The following CREB3L3 variants were observed in gnomAD, a reference collection of about 807,000 sequenced individuals.
CREB3L3 encodes the protein cyclic AMP-responsive element-binding protein 3-like protein 3.
In CREB3L3, 40 loss-of-function variants were observed where a neutral mutation model predicts 44.6. The ratio of observed to expected loss-of-function variants is 0.90; its 90% CI spans 0.70 to 1.17. The LOEUF is 1.17. CREB3L3 is among the 50% of genes most tolerant of loss of function. The pLI, the probability that CREB3L3 is intolerant of heterozygous loss-of-function variation, is 0.00. For missense variants in CREB3L3, 578 were observed against 595.8 expected, an observed-to-expected ratio of 0.97 and a Z score of 0.31; for synonymous variants, 273 against 256.3, an observed-to-expected ratio of 1.06 and a Z score of -0.62.
intron 1 of CREB3L3, 105 bp downstream of exon 1, chr19:4,153,879 G>C (rs552882803): frequency 7.7e-7 from 1 of 1,292,904 alleles, no homozygotes; most frequent in African/African-American, 1.5e-5. Flanking sequence ...TTGTACAGAT[G>C]GGAAGACTGA....
chr19:4,170,720 T>C (rs959854545), intron 7 of CREB3L3, among the ~76,000 whole-genome samples: 8 of 149,270 alleles, frequency 5.4e-5, no homozygotes, highest in South Asian at 2.1e-4. Context: ...CCATCCTGGC[T>C]AACACGGTGA....
At chr19:4,156,962 C>T in intron 2 of CREB3L3, 33 bp from the exon 3 acceptor site, 1 of 1,611,946 alleles carries the variant, frequency 6.2e-7, no homozygotes, top group Non-Finnish European at 8.5e-7. Flanking sequence ...TGAGCACTTC[C>T]TAATTCCTAC....
rs2145132743 is a variant in CREB3L3, at chr19:4,164,651, G to C, written c.714+11G>C. On this transcript the variant is annotated intron_variant, in intron 5 of 9. Coordinates refer to ENST00000078445, the MANE Select transcript of CREB3L3 (RefSeq NM_032607.3). ...CTGCCCCTCACTAAGGTGAGTCTGGGGGGACTTCCAGCCCTGGATCCATCT... is the reference window on the plus strand; with the variant it reads ...CTGCCCCTCACTAAGGTGAGTCTGGCGGGACTTCCAGCCCTGGATCCATCT... The C allele has an allele frequency of 6.2e-7, 1 of 1,613,856 alleles. No individual in the cohort carries two copies. The highest frequency in any genetic ancestry group is 2.2e-5 in the East Asian group (1 of 44,866).
At chr19:4,163,854 G>A (rs1410324896) in intron 4 of CREB3L3, among the ~76,000 whole-genome samples, 1 of 145,486 alleles carries the variant, frequency 6.9e-6, no homozygotes, top group Non-Finnish European at 1.5e-5. Flanking sequence ...TCTCAGGCTG[G>A]AGTGCAGTGG....
chr19:4,167,845 C>A (rs576076904), intron 5 of CREB3L3, among the ~76,000 whole-genome samples: 1 of 151,636 alleles, frequency 6.6e-6, no homozygotes, highest in Admixed American at 6.6e-5. Context: ...TCCTTGGCTC[C>A]GGGATGTCTT....
At position 4,155,651 on chromosome 19, in the gene CREB3L3, C is replaced by G. The variant is rs372980341; in HGVS notation, c.156+624C>G. On this transcript the variant is annotated intron_variant, in intron 2 of 9. Transcript: ENST00000078445. ...GATTACAGGCGTGTGCCACCGCGCC[C>G]GGCCCACTTTCTTTTTTTTCTTTCT... Among the ~76,000 whole-genome samples the G allele has an allele frequency of 2.5e-4, 38 of 151,870 alleles. 2 individuals are homozygous for G. The highest frequency in any genetic ancestry group is 7.3e-5 in the African/African-American group (3 of 41,362).
chr19:4,169,793 T>C (rs1599345725), intron 6 of CREB3L3, among the ~76,000 whole-genome samples: 1 of 151,972 alleles, frequency 6.6e-6, no homozygotes, highest in Non-Finnish European at 1.5e-5. Flanking sequence ...CAGGCAGGGT[T>C]TCACCATGTT....
rs1206429934 is a variant in CREB3L3 at position 4,171,898 on chromosome 19, G to A, written c.1315G>A (p.Asp439Asn). 3.1e-6 allele frequency: 5 copies of A among 1,612,582 alleles called. No homozygotes were observed. The highest frequency in any genetic ancestry group is 3.3e-4 in the Middle Eastern group (2 of 6,076). ...TEGLGQVALL[D>N]WVAPGPSTGS... ...GGGGCTGGGCCAGGTCGCCCTGCTG[G>A]ACTGGGTGGCGCCTGGGCCGAGCAC... Residue 439 changes from aspartate (D) to asparagine (N), a missense_variant, in exon 10 of 10, where the codon GAC (aspartate) becomes AAC (asparagine). Transcript: ENST00000078445. This position sits in a 1 kb window ranked among gnomAD's most constrained non-coding sequence, Gnocchi z 4.9.
At position 4,171,808 on chromosome 19, in the gene CREB3L3, G is replaced by T. The variant is rs144785273; in HGVS notation, c.1225G>T (p.Ala409Ser). The T allele has an allele frequency of 6.8e-6, 11 of 1,613,620 alleles. No homozygotes were observed. Among genetic ancestry groups the T allele is most frequent in the South Asian group, 4.4e-5 (4 of 91,088 alleles). Residue 409 changes from alanine (A) to serine (S), a missense_variant, in exon 10 of 10, where the codon GCG (alanine) becomes TCG (serine). Ala to Ser is a moderately conservative substitution (Grantham distance 99, BLOSUM62 1). Transcript: ENST00000078445. This position sits in a 1 kb window ranked among gnomAD's most constrained non-coding sequence, Gnocchi z 4.9. ...GGCAGACTGGGGCTTCCAGGACACC[G>T]CGAACCTGACCAATTCGACGGAGGA... ...PGADWGFQDTANLTNSTEELD... is the reference protein window; with the variant it reads ...PGADWGFQDTSNLTNSTEELD...
Position 4,159,754 on chromosome 19 carries a change from T to G in CREB3L3, c.548T>G (p.Leu183Arg). 1 of 1,570,708 alleles carries G rather than the reference T, an allele frequency of 6.4e-7. No individual in the cohort carries two copies. The highest frequency in any genetic ancestry group is 8.8e-7 in the Non-Finnish European group (1 of 1,140,720). The change falls in exon 4 of 10, where the codon CTC (leucine) becomes CGC (arginine). Residue 183 changes from leucine to arginine, a missense_variant. Leu to Arg is a moderately radical substitution (Grantham distance 102). Transcript: ENST00000078445. Reference sequence around the variant, plus strand: ...CGATGCAATCTCACCGTGAAAGACCTCCTCCTTTCGGGCAGCAGTGGGGAC... The same window carrying G: ...CGATGCAATCTCACCGTGAAAGACCGCCTCCTTTCGGGCAGCAGTGGGGAC... ...SPRCNLTVKD[L>R]LLSGSSGDLQ...
Position 4,167,480 on chromosome 19 carries a change from G to T in CREB3L3, c.715-871G>T, listed in dbSNP as rs138970588. ...AAAGAAGGAAAGAAAGGAAGAAAAGGAAAGAAAGAGAGAAAGAGAAAGAGA... is the reference window on the plus strand; with the variant it reads ...AAAGAAGGAAAGAAAGGAAGAAAAGTAAAGAAAGAGAGAAAGAGAAAGAGA... On this transcript the variant is annotated intron_variant, in intron 5 of 9. Coordinates refer to ENST00000078445, the MANE Select transcript of CREB3L3 (RefSeq NM_032607.3). 4.5e-4 allele frequency among the ~76,000 whole-genome samples: 52 copies of T among 115,606 alleles called. No homozygotes were observed. In the East Asian group the frequency reaches 0.014, roughly 30 times the overall value. 75.8% of individuals were successfully genotyped at this position (115,606 alleles called of 152,430 possible). A position where few individuals can be genotyped will look rare whatever the true frequency, so the allele number is the denominator to read the frequency against.
At chr19:4,162,042 C>T (rs1330944086) in intron 4 of CREB3L3, among the ~76,000 whole-genome samples, 2 of 152,108 alleles carry the variant, frequency 1.3e-5, no homozygotes, top group Non-Finnish European at 2.9e-5. Flanking sequence ...GAGTCATGGT[C>T]CGTCGTCCAG....
chr19:4,164,144 T>C (rs1247297455), intron 4 of CREB3L3, among the ~76,000 whole-genome samples: 1 of 151,812 alleles, frequency 6.6e-6, no homozygotes, highest in East Asian at 1.9e-4. Context: ...CAGCTAACTT[T>C]TTGTATTTTT....
chr19:4,160,188 C>T lies in CREB3L3; in HGVS notation c.576+406C>T, dbSNP rs368120039. ...GCACATGCCTGTGGTCCCAGCTACT[C>T]GGGAGGCTGAGGTGGAAGGATCGCT... On this transcript the variant is annotated intron_variant, in intron 4 of 9. Transcript: ENST00000078445. Among the ~76,000 whole-genome samples the T allele has an allele frequency of 5.3e-3, 807 of 151,192 alleles. 4 individuals carry two copies. The highest frequency in any genetic ancestry group is 0.018 in the African/African-American group (732 of 41,274).
chr19:4,171,427 C>A lies in CREB3L3; in HGVS notation c.1020C>A (p.Ser340Arg). The stretch of plus-strand genomic sequence containing the variant: ...CCCTCATCATCCTCCCCTCCATCAG[C>A]CCTTTTGGCCCCAACAAAACCGAGA... ...SFALIILPSISPFGPNKTESP... is the reference protein window; with the variant it reads ...SFALIILPSIRPFGPNKTESP... Residue 340 changes from serine (S) to arginine (R), a missense_variant, in exon 9 of 10, where the codon AGC becomes AGA. Coordinates refer to ENST00000078445, the MANE Select transcript of CREB3L3 (RefSeq NM_032607.3). The surrounding 1 kb of genome is among the most constrained non-coding windows in gnomAD (Gnocchi z 4.9). The A allele has an allele frequency of 6.2e-7, 1 of 1,614,134 alleles. No individual in the cohort carries two copies. Among genetic ancestry groups the A allele is most frequent in the Non-Finnish European group, 8.5e-7 (1 of 1,180,020 alleles).
Position 4,156,978 on chromosome 19 carries a change from C to A in CREB3L3, c.157-17C>A. 6 of 1,613,898 alleles carry A rather than the reference C, an allele frequency of 3.7e-6. No homozygotes were observed. Among genetic ancestry groups the A allele is most frequent in the Non-Finnish European group, 5.1e-6 (6 of 1,179,860 alleles). ...GAGCACTTCCTAATTCCTACTACCC[C>A]TCCCTGTCCACCCCAGCAGGTCCTG... is the stretch of plus-strand genomic sequence containing the variant. On this transcript the variant is annotated splice_polypyrimidine_tract_variant and intron_variant, in intron 2 of 9. Coordinates refer to ENST00000078445, the MANE Select transcript of CREB3L3 (RefSeq NM_032607.3).
chr19:4,169,668 T>C (rs1192982894), intron 6 of CREB3L3, among the ~76,000 whole-genome samples: 1 of 146,190 alleles, frequency 6.8e-6, no homozygotes, highest in African/African-American at 2.5e-5. Context: ...CTTGACTCAC[T>C]GCAACCTCCA....
At chr19:4,157,403 A>C in intron 3 of CREB3L3, 108 bp downstream of exon 3, 2 of 1,282,936 alleles carry the variant, frequency 1.6e-6, no homozygotes, top group Non-Finnish European at 2.2e-6. Flanking sequence ...CCAAGGTCAC[A>C]CAGCAATTTG....
intron 2 of CREB3L3, among the ~76,000 whole-genome samples, chr19:4,155,581 C>T (rs1303693510): frequency 1.3e-5 from 2 of 151,928 alleles, no homozygotes; most frequent in Non-Finnish European, 2.9e-5. Flanking sequence ...TGGTCTTGAA[C>T]TCCTGACCTT....
Sources: allele counts gnomAD v4.1 joint callset (sites outside exome capture counted in the v4.1 genomes callset), GRCh38; gene constraint gnomAD v4.1.1; non-coding constraint Gnocchi (gnomAD v3.1); transcripts MANE v1.5; gene names NCBI Gene and HGNC (gene_info 2026-07-23, HGNC 2026-07-21).